PPIC: variants seen among roughly 807,000 people sequenced by gnomAD.
The protein encoded by PPIC is peptidyl-prolyl cis-trans isomerase C.
PPIC carries 19 observed loss-of-function variants against 19.5 expected under a neutral mutation model. That is an observed-to-expected ratio of 0.98 (90% confidence interval 0.68 to 1.43). The LOEUF is 1.43. Ranked by LOEUF, PPIC falls within the 40% of genes most tolerant of loss-of-function variation. The pLI is 0.00. For missense variants in PPIC, 268 were observed against 268.6 expected, an observed-to-expected ratio of 1.00 and a Z score of 0.02; for synonymous variants, 107 against 101.2, an observed-to-expected ratio of 1.06 and a Z score of -0.34.
chr5:123,034,971 CT>C (rs1205686936), intron 1 of PPIC, among the ~76,000 whole-genome samples: 1 of 152,194 alleles, frequency 6.6e-6, no homozygotes, highest in Non-Finnish European at 1.5e-5. Flanking sequence ...CCTTCAGTGG[CT>C]CTGACTGCAG....
intron 1 of PPIC, among the ~76,000 whole-genome samples, chr5:123,034,673 G>A (rs566711238): frequency 1.3e-5 from 2 of 152,282 alleles, no homozygotes; most frequent in African/African-American, 4.8e-5. Flanking sequence ...TTTATTCATT[G>A]TTAATCTGAT....
At chr5:123,031,347 G>A (rs1762938891) in intron 1 of PPIC, among the ~76,000 whole-genome samples, 1 of 152,190 alleles carries the variant, frequency 6.6e-6, no homozygotes, top group Admixed American at 6.5e-5. Flanking sequence ...TGTATGCCCA[G>A]GCCTGCAGGA....
intron 3 of PPIC, 62 bp downstream of exon 3, chr5:123,028,713 A>G: frequency 7.4e-7 from 1 of 1,357,726 alleles, no homozygotes; most frequent in Non-Finnish European, 1.0e-6. Context: ...CTGGGTTCAT[A>G]TACTGGCTTA....
intron 1 of PPIC, among the ~76,000 whole-genome samples, chr5:123,035,848 T>G (rs1256563782): frequency 1.3e-5 from 2 of 151,840 alleles, no homozygotes; most frequent in Non-Finnish European, 2.9e-5. Flanking sequence ...TTCCCCGCAG[T>G]GGAGGCTGCC....
intron 4 of PPIC, among the ~76,000 whole-genome samples, chr5:123,024,531 G>GCC (rs1176856825): frequency 2.0e-5 from 3 of 152,150 alleles, no homozygotes; most frequent in African/African-American, 7.2e-5. Context: ...TGTAACCCCA[G>GCC]CCCCCCACAG....
intron 1 of PPIC, among the ~76,000 whole-genome samples, chr5:123,032,925 G>A (rs1374135513): frequency 1.3e-5 from 2 of 152,018 alleles, no homozygotes; most frequent in Admixed American, 1.3e-4. Context: ...AAAATTACTC[G>A]GCATTGGAGA....
intron 1 of PPIC, among the ~76,000 whole-genome samples, chr5:123,030,061 G>C (rs1031810799): frequency 6.6e-6 from 1 of 152,166 alleles, no homozygotes; most frequent in Admixed American, 6.5e-5. Flanking sequence ...AACATTAAGC[G>C]TGGGTCATCA....
chr5:123,025,955 A>G lies in PPIC; in HGVS notation c.339T>C (p.Tyr113=), dbSNP rs1450020844. ...AGTTCTCATCTGGAAATGTCTCACC[A>G]TAGATGCTCACACCTGAGACAAAAC... ...TGDGTGGVSI[Y]GETFPDENFK... Residue 113 remains tyrosine (Y), a synonymous_variant, in exon 4 of 5, where the codon TAT becomes TAC. Transcript: ENST00000306442. The G allele has an allele frequency of 3.7e-6, 6 of 1,600,834 alleles. No homozygotes were observed. The highest frequency in any genetic ancestry group is 5.1e-6 in the Non-Finnish European group (6 of 1,175,266).
intron 3 of PPIC, chr5:123,028,414 G>T (rs34675653): frequency 0.027 from 4,944 of 180,302 alleles, 86 homozygotes; most frequent in Non-Finnish European, 0.037. Flanking sequence ...CACCTCTGCC[G>T]CACGCTGCCA....
Position 123,036,347 on chromosome 5 carries a change from A to T in PPIC, c.117+162T>A, listed in dbSNP as rs921528755. 8 of 642,944 alleles carry T rather than the reference A, an allele frequency of 1.2e-5. No homozygotes were observed. Among genetic ancestry groups the T allele is most frequent in the Non-Finnish European group, 1.9e-5 (7 of 375,198 alleles). 39.8% of individuals were successfully genotyped at this position (642,944 alleles called of 1,614,324 possible). On this transcript the variant is annotated intron_variant, in intron 1 of 4. Coordinates refer to ENST00000306442, the MANE Select transcript of PPIC (RefSeq NM_000943.5). The surrounding 1 kb of genome is among the most constrained non-coding windows in gnomAD (Gnocchi z 4.5). ...TCCCCCGGAGCGCCGGCCTCCCAGC[A>T]CGCGAGCAGCCCCCTCCCACCCAGT...
At position 123,023,950 on chromosome 5, in the gene PPIC, G is replaced by A; in HGVS notation, c.564C>T (p.Leu188=). 1 of 1,614,134 alleles carries A rather than the reference G, an allele frequency of 6.2e-7. No homozygotes were observed. Among genetic ancestry groups the A allele is most frequent in the South Asian group, 1.1e-5 (1 of 91,068 alleles). ...CACTGTTGATGATCGAGCAGTTGGT[G>A]AGTGGACGGTCATGCCCATCAGTTG... is the stretch of plus-strand genomic sequence containing the variant. ...LQATDGHDRP[L]TNCSIINSGK... is the part of the protein sequence containing the mutation. Residue 188 remains leucine, a synonymous_variant, in exon 5 of 5, where the codon CTC becomes CTT. Transcript: ENST00000306442.
intron 1 of PPIC, among the ~76,000 whole-genome samples, chr5:123,033,309 G>C (rs1387447957): frequency 6.6e-6 from 1 of 152,188 alleles, no homozygotes; most frequent in Admixed American, 6.5e-5. Flanking sequence ...TGTTGGAGGT[G>C]GGGCCTAATG....
chr5:123,034,198 C>T (rs956512333), intron 1 of PPIC, among the ~76,000 whole-genome samples: 6 of 152,194 alleles, frequency 3.9e-5, no homozygotes, highest in African/African-American at 1.4e-4. Flanking sequence ...TTATTTTTAA[C>T]GTCATTTTCC....
chr5:123,026,068 T>C, intron 3 of PPIC, 100 bp from the exon 4 acceptor site: 1 of 1,016,124 alleles, frequency 9.8e-7, no homozygotes, highest in East Asian at 2.7e-5. Context: ...TAGAACCCTA[T>C]AGGAGGTAGG....
rs760622803 is a variant in PPIC, at chr5:123,028,809, T to A, written c.291A>T (p.Gln97His). ...FHRVIKDFMI[Q>H]GGDITTGDGT... is the part of the protein sequence containing the mutation. ...CATCTCCAGTGGTGATGTCACCTCC[T>A]TGAATCATGAAATCCTTGATGACAC... The change falls in exon 3 of 5, where the codon CAA becomes CAT. Residue 97 changes from glutamine to histidine, a missense_variant. Coordinates refer to ENST00000306442, the MANE Select transcript of PPIC (RefSeq NM_000943.5). The A allele has an allele frequency of 6.2e-7, 1 of 1,613,862 alleles. No homozygotes were observed.
intron 1 of PPIC, among the ~76,000 whole-genome samples, chr5:123,032,544 CAGG>C (rs1443474741): frequency 6.6e-6 from 1 of 152,150 alleles, no homozygotes; most frequent in Non-Finnish European, 1.5e-5. Context: ...CATTCCTAGA[CAGG>C]AGGTGAGACA....
chr5:123,026,261 G>A (rs1226618096), intron 3 of PPIC, among the ~76,000 whole-genome samples: 2 of 152,138 alleles, frequency 1.3e-5, no homozygotes, highest in African/African-American at 2.4e-5. Flanking sequence ...CCATGACTTC[G>A]CTCTGAAGTG....
chr5:123,035,078 A>G (rs1352563971), intron 1 of PPIC, among the ~76,000 whole-genome samples: 1 of 151,538 alleles, frequency 6.6e-6, no homozygotes, highest in East Asian at 1.9e-4. Flanking sequence ...CACCCCTCCA[A>G]CCTCATCTCA....
intron 3 of PPIC, among the ~76,000 whole-genome samples, chr5:123,027,241 T>C (rs1293725459): frequency 1.3e-5 from 2 of 152,146 alleles, no homozygotes; most frequent in African/African-American, 4.8e-5. Context: ...AAGCAATTTA[T>C]AACTGGTTGG....
Sources: allele counts gnomAD v4.1 joint callset (sites outside exome capture counted in the v4.1 genomes callset), GRCh38; gene constraint gnomAD v4.1.1; non-coding constraint Gnocchi (gnomAD v3.1); transcripts MANE v1.5; gene names NCBI Gene and HGNC (gene_info 2026-07-23, HGNC 2026-07-21).